MKNK1: variants seen among roughly 807,000 people sequenced by gnomAD.
MKNK1 encodes MAP kinase-interacting serine/threonine-protein kinase 1.
Under a neutral mutation model 49.3 loss-of-function variants are expected in MKNK1, and 30 were observed. The observed-to-expected ratio is 0.61, with a 90% confidence interval of 0.46 to 0.83. The LOEUF (loss-of-function observed/expected upper bound fraction) is 0.83. Ranked by LOEUF, MKNK1 falls within the 40% of genes least tolerant of loss-of-function variation. The pLI is 0.00. For synonymous variants in MKNK1, 176 were observed against 201.7 expected (o/e 0.87, Z 1.08); for missense variants, 423 against 524.7 (o/e 0.81, Z 1.89).
intron 2 of MKNK1, chr1:46,586,052 G>A: frequency 4.9e-6 from 3 of 612,212 alleles, no homozygotes; most frequent in Middle Eastern, 3.1e-4. Context: ...AGGGGGAAGC[G>A]AGAGGTGTCA....
chr1:46,558,850 AGC>A, intron 12 of MKNK1, 50 bp from the exon 13 acceptor site: 1 of 1,514,236 alleles, frequency 6.6e-7, no homozygotes. Context: ...CTCTAGGGTC[AGC>A]CAGGCCAGCT....
chr1:46,559,052 C>T (rs991911521), intron 12 of MKNK1, among the ~76,000 whole-genome samples: 1 of 152,214 alleles, frequency 6.6e-6, no homozygotes, highest in Non-Finnish European at 1.5e-5. Context: ...CTCCTCAGAG[C>T]ACCCTCCTCT....
intron 8 of MKNK1, chr1:46,565,444 A>AC (rs1668894216): frequency 2.6e-6 from 1 of 385,304 alleles, no homozygotes; most frequent in Admixed American, 3.8e-5. Flanking sequence ...AGGTTGCAGC[A>AC]CAGCAGCTAG....
chr1:46,565,210 CG>C, intron 8 of MKNK1, 74 bp from the exon 9 acceptor site: 2 of 1,366,272 alleles, frequency 1.5e-6, no homozygotes, highest in Non-Finnish European at 2.1e-6. Context: ...CATGGCTGTA[CG>C]GGTGCATGGC....
chr1:46,587,878 T>C (rs1672800111), intron 2 of MKNK1, among the ~76,000 whole-genome samples: 1 of 151,742 alleles, frequency 6.6e-6, no homozygotes, highest in Admixed American at 6.6e-5. Context: ...CAAAAACATA[T>C]GCATATGCAC....
chr1:46,561,765 G>A (rs1668022218), intron 10 of MKNK1, 123 bp from the exon 11 acceptor site: 3 of 1,091,084 alleles, frequency 2.7e-6, no homozygotes, highest in East Asian at 2.5e-5. Flanking sequence ...GCTTGGGGAT[G>A]CCACAGACTG....
chr1:46,563,382 A>T (rs1164735348), intron 9 of MKNK1: 2 of 152,942 alleles, frequency 1.3e-5, no homozygotes, highest in Non-Finnish European at 2.9e-5. Flanking sequence ...AGAACGGGAC[A>T]GGGATCTGTT....
chr1:46,568,560 C>A (rs550248634), intron 7 of MKNK1, 62 bp from the exon 8 acceptor site: 378 of 1,482,312 alleles, frequency 2.6e-4, no homozygotes, highest in Non-Finnish European at 3.4e-4. Context: ...ACATTCCACA[C>A]ACAATTAATT....
At chr1:46,602,378 C>T (rs993652600) in intron 1 of MKNK1, among the ~76,000 whole-genome samples, 1 of 152,148 alleles carries the variant, frequency 6.6e-6, no homozygotes, top group African/African-American at 2.4e-5. Flanking sequence ...TGCCACTGCA[C>T]TCCAGCCTGG....
At chr1:46,561,385 G>A (rs780754278) in intron 11 of MKNK1, 93 bp downstream of exon 11, 21 of 1,408,694 alleles carry the variant, frequency 1.5e-5, no homozygotes, top group Non-Finnish European at 1.9e-5. Context: ...CAGCCACAAG[G>A]CTGGTGCTCA....
At chr1:46,563,006 C>G (rs898867087) in intron 9 of MKNK1, 163 bp from the exon 10 acceptor site, 1 of 585,762 alleles carries the variant, frequency 1.7e-6, no homozygotes, top group African/African-American at 1.9e-5. Context: ...CTGATGCCAC[C>G]AAGGCATCTG....
At chr1:46,584,489 G>GC (rs1472713625) in intron 2 of MKNK1, 1 of 137,744 alleles carries the variant, frequency 7.3e-6, no homozygotes, top group East Asian at 2.1e-4. Context: ...GGTTGTTGGT[G>GC]TTTTTTTTTT....
At chr1:46,576,504 G>T in intron 5 of MKNK1, 71 bp downstream of exon 5, 3 of 1,301,730 alleles carry the variant, frequency 2.3e-6, no homozygotes, top group Non-Finnish European at 3.3e-6. Context: ...TCAGGAGATG[G>T]TAAGAAATAG....
intron 8 of MKNK1, chr1:46,565,365 A>G (rs1171624872): frequency 5.5e-6 from 3 of 547,096 alleles, no homozygotes; most frequent in Non-Finnish European, 9.9e-6. Flanking sequence ...TGGGTGGACT[A>G]TTTGGTGTCA....
rs58949484 is a variant in MKNK1 at position 46,602,964 on chromosome 1, C to T, written c.-171+1221G>A. On this transcript the variant is annotated intron_variant, in intron 1 of 12. Coordinates refer to ENST00000371945, the MANE Select transcript of MKNK1 (RefSeq NM_001135553.4). The stretch of plus-strand genomic sequence containing the variant: ...ACAGAGCTTCCCTCTCCCATGGCTT[C>T]GCTTCATGCAATCTGAGTTGCCATC... Among the ~76,000 whole-genome samples the T allele has an allele frequency of 8.5e-3, 1,298 of 152,314 alleles. 21 individuals are homozygous for T. Among genetic ancestry groups the T allele is most frequent in the African/African-American group, 0.029 (1,198 of 41,550 alleles).
intron 12 of MKNK1, among the ~76,000 whole-genome samples, chr1:46,559,443 G>A (rs1463121162): frequency 6.6e-6 from 1 of 152,210 alleles, no homozygotes; most frequent in Non-Finnish European, 1.5e-5. Context: ...ACACTGCTTA[G>A]CCCTGGCTCT....
At chr1:46,580,188 G>A (rs937527515) in intron 4 of MKNK1, among the ~76,000 whole-genome samples, 2 of 152,178 alleles carry the variant, frequency 1.3e-5, no homozygotes, top group Non-Finnish European at 2.9e-5. Flanking sequence ...TCCAAATCTG[G>A]TTGTCCACTC....
chr1:46,564,939 G>T, intron 9 of MKNK1, 102 bp downstream of exon 9: 2 of 1,101,846 alleles, frequency 1.8e-6, no homozygotes, highest in Non-Finnish European at 2.7e-6. Context: ...CAGGAAGATA[G>T]GTCCACTTGG....
intron 2 of MKNK1, chr1:46,584,710 T>A (rs1295769960): frequency 6.6e-6 from 1 of 152,148 alleles, no homozygotes; most frequent in African/African-American, 2.4e-5. Flanking sequence ...GCACACAGGA[T>A]GGCACTTTCA....
Sources: allele counts gnomAD v4.1 joint callset (sites outside exome capture counted in the v4.1 genomes callset), GRCh38; gene constraint gnomAD v4.1.1; transcripts MANE v1.5; gene names NCBI Gene and HGNC (gene_info 2026-07-23, HGNC 2026-07-21).